Variants in ENOPH1 observed in about 807,000 individuals in gnomAD.
ENOPH1 encodes the protein enolase-phosphatase E1.
ENOPH1 carries 14 observed loss-of-function variants against 31.1 expected under a neutral mutation model. That is an observed-to-expected ratio of 0.45 (90% CI 0.30 to 0.70). The LOEUF (loss-of-function observed/expected upper bound fraction) is 0.70, where lower values mean the gene tolerates loss of function less well. Among genes scored for constraint, ENOPH1 ranks in the 30% least tolerant of loss-of-function variants. The pLI is 0.09. For synonymous variants in ENOPH1, 127 were observed against 123.2 expected (o/e 1.03, Z -0.21); for missense variants, 243 against 321.5 (o/e 0.76, Z 1.87).
Position 82,460,082 on chromosome 4 carries a change from A to G in ENOPH1, c.748A>G (p.Thr250Ala). 6.2e-7 allele frequency: 1 copy of G among 1,614,222 alleles called. No individual in the cohort carries two copies. The highest frequency in any genetic ancestry group is 8.5e-7 in the Non-Finnish European group (1 of 1,180,020). Residue 250 changes from threonine to alanine, a missense_variant, in exon 6 of 6, where the codon ACA becomes GCA. Thr to Ala is a moderately conservative substitution (Grantham distance 58). Transcript: ENST00000273920. ...TGAGAAGACTTACTACAGCCTCATC[A>G]CATCCTTCAGTGAACTATACCTGCC... ...DDEKTYYSLI[T>A]SFSELYLPSS...
At chr4:82,451,763 G>A (rs1722358437) in intron 3 of ENOPH1, among the ~76,000 whole-genome samples, 1 of 152,148 alleles carries the variant, frequency 6.6e-6, no homozygotes, top group African/African-American at 2.4e-5. Flanking sequence ...TGCCTGAGGA[G>A]ACTTTTGAGT....
At chr4:82,435,714 G>A (rs552871679) in intron 1 of ENOPH1, among the ~76,000 whole-genome samples, 8 of 152,254 alleles carry the variant, frequency 5.3e-5, no homozygotes, top group African/African-American at 1.2e-4. Flanking sequence ...TGTAGGATGC[G>A]CACTCTGCCT....
At chr4:82,456,630 G>A (rs964253298) in intron 4 of ENOPH1, among the ~76,000 whole-genome samples, 2 of 152,168 alleles carry the variant, frequency 1.3e-5, no homozygotes, top group South Asian at 2.1e-4. Context: ...TGTAGGGCAT[G>A]TTTATTTTAA....
chr4:82,442,334 A>G (rs549641979), intron 1 of ENOPH1, among the ~76,000 whole-genome samples: 1 of 152,304 alleles, frequency 6.6e-6, no homozygotes, highest in South Asian at 2.1e-4. Flanking sequence ...AGCCTGGCCA[A>G]CATGGTGAAA....
chr4:82,437,128 GGT>G (rs1326672560), intron 1 of ENOPH1, among the ~76,000 whole-genome samples: 1 of 152,062 alleles, frequency 6.6e-6, no homozygotes, highest in Non-Finnish European at 1.5e-5. Context: ...TTTGATTTCT[GGT>G]TCCTTATTTT....
intron 2 of ENOPH1, 36 bp downstream of exon 2, chr4:82,448,057 T>C: frequency 1.4e-6 from 2 of 1,428,280 alleles, no homozygotes; most frequent in South Asian, 1.2e-5. Flanking sequence ...CCAAGTGTCT[T>C]AGAAATGAGG....
intron 5 of ENOPH1, among the ~76,000 whole-genome samples, chr4:82,457,317 C>G (rs1162901372): frequency 6.6e-6 from 1 of 152,020 alleles, no homozygotes; most frequent in Non-Finnish European, 1.5e-5. Context: ...TCGACACTAG[C>G]CTGGGCAACA....
chr4:82,452,818 C>T (rs756283373), intron 3 of ENOPH1, among the ~76,000 whole-genome samples: 11 of 151,682 alleles, frequency 7.3e-5, no homozygotes, highest in Admixed American at 6.6e-5. Context: ...AGCTCCTGAG[C>T]TCAGGGCAGT....
intron 1 of ENOPH1, among the ~76,000 whole-genome samples, chr4:82,434,705 C>T (rs1374398673): frequency 1.3e-5 from 2 of 151,074 alleles, no homozygotes; most frequent in South Asian, 2.1e-4. Context: ...CAGAGGAAGA[C>T]GCTGTCTCAA....
At chr4:82,459,085 TTA>T (rs1261262823) in intron 5 of ENOPH1, among the ~76,000 whole-genome samples, 1 of 151,894 alleles carries the variant, frequency 6.6e-6, no homozygotes, top group Admixed American at 6.6e-5. Flanking sequence ...TCCACGGGAT[TTA>T]TATATATATA....
Position 82,460,260 on chromosome 4 carries a change from G to T in ENOPH1, c.*140G>T. 2 of 753,644 alleles carry T rather than the reference G, an allele frequency of 2.7e-6. No homozygotes were observed. Among genetic ancestry groups the T allele is most frequent in the Non-Finnish European group, 4.1e-6 (2 of 482,772 alleles). The allele number at this position is 753,644 out of a possible 1,614,324, so 46.7% of individuals were successfully genotyped here. A position where few individuals can be genotyped will look rare whatever the true frequency, so the allele number is the denominator to read the frequency against. On this transcript the variant is annotated 3_prime_UTR_variant, in exon 6 of 6. Coordinates refer to ENST00000273920, the MANE Select transcript of ENOPH1 (RefSeq NM_021204.5). The stretch of plus-strand genomic sequence containing the variant: ...AAGTATGTATATATGTGTATGCTCA[G>T]ATTAACTTCCATAGGTACATAAGTG...
intron 1 of ENOPH1, among the ~76,000 whole-genome samples, chr4:82,444,138 G>A (rs944585207): frequency 5.3e-5 from 8 of 152,222 alleles, no homozygotes; most frequent in African/African-American, 1.7e-4. Flanking sequence ...GCCTCCCAAA[G>A]TGCTGGGATT....
rs190335348 is a variant in ENOPH1 at position 82,452,885 on chromosome 4, G to T, written c.389+1640G>T. ...TTACAGGCGTGAGCCACTGTGCCAG[G>T]CCTGCTGAGAAATTCTTTTTTTTTT... On this transcript the variant is annotated intron_variant, in intron 3 of 5. Transcript: ENST00000273920. 4.6e-5 allele frequency among the ~76,000 whole-genome samples: 7 copies of T among 151,274 alleles called. No individual in the cohort carries two copies. The East Asian group carries it at 1.4e-3, about 30-fold the overall frequency.
At chr4:82,445,851 T>C in intron 1 of ENOPH1, among the ~76,000 whole-genome samples, 1 of 152,210 alleles carries the variant, frequency 6.6e-6, no homozygotes, top group South Asian at 2.1e-4. Context: ...GAGGGGCATA[T>C]TGGATGATCA....
chr4:82,449,621 A>G (rs915338809), intron 2 of ENOPH1, among the ~76,000 whole-genome samples: 3 of 152,186 alleles, frequency 2.0e-5, no homozygotes, highest in Non-Finnish European at 4.4e-5. Flanking sequence ...CGAGAAGTCT[A>G]TCCCCGCGAT....
At chr4:82,451,756 C>G (rs934320170) in intron 3 of ENOPH1, among the ~76,000 whole-genome samples, 1 of 152,156 alleles carries the variant, frequency 6.6e-6, no homozygotes, top group African/African-American at 2.4e-5. Context: ...GCACTCCTGC[C>G]TGAGGAGACT....
chr4:82,433,143 G>A (rs557523626), intron 1 of ENOPH1, among the ~76,000 whole-genome samples: 2 of 152,294 alleles, frequency 1.3e-5, no homozygotes, highest in African/African-American at 2.4e-5. Flanking sequence ...GACAGGAGAG[G>A]TAGTGATGTG....
chr4:82,451,935 C>T (rs1722362654), intron 3 of ENOPH1, among the ~76,000 whole-genome samples: 1 of 151,280 alleles, frequency 6.6e-6, no homozygotes, highest in Non-Finnish European at 1.5e-5. Flanking sequence ...CATGTGCCAC[C>T]ATGCCCAGCT....
chr4:82,444,200 A>G (rs1722120718), intron 1 of ENOPH1, among the ~76,000 whole-genome samples: 1 of 151,174 alleles, frequency 6.6e-6, no homozygotes, highest in African/African-American at 2.4e-5. Flanking sequence ...TAGTTTCTTT[A>G]TGTAGCTGTA....
Sources: gnomAD v4.1 joint callset for allele counts (sites outside exome capture counted in the v4.1 genomes callset) on GRCh38, gnomAD v4.1.1 for gene constraint, MANE v1.5 for transcripts, NCBI Gene and HGNC (gene_info 2026-07-23, HGNC 2026-07-21) for gene names.